Variants in CAMTA1 observed in about 807,000 individuals in gnomAD.
CAMTA1 encodes the protein calmodulin-binding transcription activator 1.
A neutral mutation model predicts 170.9 loss-of-function variants in CAMTA1; 27 were observed. The observed-to-expected ratio is 0.16, with a 90% CI of 0.12 to 0.22. CAMTA1 has a LOEUF of 0.22. Ranked by LOEUF, CAMTA1 falls within the 10% of genes least tolerant of loss-of-function variation. CAMTA1 has a pLI of 1.00. For synonymous variants in CAMTA1, 833 were observed against 891.5 expected (o/e 0.93, Z 1.17); for missense variants, 1,619 against 2,217.2 (o/e 0.73, Z 5.42).
In CAMTA1 at chr1:7,248,227, C is replaced by T. The variant is rs1396250357; in HGVS notation, c.303-1264C>T. Among the ~76,000 whole-genome samples the T allele has an allele frequency of 6.6e-6, 1 of 152,124 alleles. No homozygotes were observed. Among genetic ancestry groups the T allele is most frequent in the Non-Finnish European group, 1.5e-5 (1 of 68,032 alleles). On this transcript the variant is annotated intron_variant, in intron 4 of 22. Transcript: ENST00000303635. This position sits in a 1 kb window ranked among gnomAD's most constrained non-coding sequence, Gnocchi z 4.0. ...GCTGCTTGTGAAATGGCCCATTGTT[C>T]GTAGCAAGAAGAAAAGAAAGGCGCT...
In CAMTA1 at chr1:7,133,730, G is replaced by A. The variant is rs971004452; in HGVS notation, c.302+42359G>A. Among the ~76,000 whole-genome samples the A allele has an allele frequency of 2.0e-5, 3 of 152,312 alleles. No individual in the cohort carries two copies. The East Asian group carries it at 5.8e-4, about 29-fold the overall frequency. On this transcript the variant is annotated intron_variant, in intron 4 of 22. Transcript: ENST00000303635. ...GGAGTTCTGTGGTGAGAGAGTGGGA[G>A]AACTCTGTTAGCTCTAGCTGAACTG...
chr1:7,217,780 C>T (rs921233502), intron 4 of CAMTA1, among the ~76,000 whole-genome samples: 1 of 152,148 alleles, frequency 6.6e-6, no homozygotes, highest in Non-Finnish European at 1.5e-5. Context: ...ATACAAGCAT[C>T]ACTGAGCTTA....
At chr1:7,165,253 A>G (rs1648133997) in intron 4 of CAMTA1, among the ~76,000 whole-genome samples, 1 of 152,226 alleles carries the variant, frequency 6.6e-6, no homozygotes, top group Non-Finnish European at 1.5e-5. Flanking sequence ...AGACAAGCAT[A>G]GAGAATAATG....
At chr1:6,870,349 TA>T (rs566408465) in intron 3 of CAMTA1, among the ~76,000 whole-genome samples, 51 of 149,166 alleles carry the variant, frequency 3.4e-4, no homozygotes, top group South Asian at 2.8e-3. Context: ...CTATGCAACT[TA>T]AAAAAAAAAC....
intron 5 of CAMTA1, among the ~76,000 whole-genome samples, chr1:7,270,287 A>ATTTTT (rs1249476043): frequency 9.0e-5 from 10 of 111,550 alleles, no homozygotes; most frequent in African/African-American, 3.6e-4. Context: ...ATATATATAT[A>ATTTTT]TATATTTTTT....
intron 6 of CAMTA1, among the ~76,000 whole-genome samples, chr1:7,493,333 A>G (rs1454663565): frequency 6.6e-6 from 1 of 151,136 alleles, no homozygotes; most frequent in East Asian, 2.0e-4. Flanking sequence ...CTACGTACAC[A>G]CACATGCACA....
rs547135046 is a variant in CAMTA1 at position 7,204,822 on chromosome 1, CTTTTTTTCTTTTTTT to C, written c.303-44661_303-44647del. On this transcript the variant is annotated intron_variant, in intron 4 of 22. Coordinates refer to ENST00000303635, the MANE Select transcript of CAMTA1 (RefSeq NM_015215.4). ...GGGTCAGAGTTTCTTTTTTTTTTTT[CTTTTTTTCTTTTTTT>C]TTTTTTTTTTGAGGCAGAGTCTTGC... Among the ~76,000 whole-genome samples the C allele has an allele frequency of 7.1e-3, 789 of 111,552 alleles. 7 individuals are homozygous for C. The highest frequency in any genetic ancestry group is 0.015 in the Middle Eastern group (3 of 204). 73.2% of individuals were successfully genotyped at this position (111,552 alleles called of 152,430 possible).
chr1:7,451,486 G>T (rs1237269610), intron 5 of CAMTA1, among the ~76,000 whole-genome samples: 1 of 152,142 alleles, frequency 6.6e-6, no homozygotes, highest in Non-Finnish European at 1.5e-5. Context: ...GCTCTCCGAA[G>T]CCCCAGGTCC....
intron 5 of CAMTA1, among the ~76,000 whole-genome samples, chr1:7,259,338 G>A (rs1046246445): frequency 3.9e-5 from 6 of 152,142 alleles, no homozygotes; most frequent in African/African-American, 1.4e-4. Flanking sequence ...TGAGACCGGC[G>A]CAAATACTGA....
chr1:7,253,671 G>A (rs1419499204), intron 5 of CAMTA1, among the ~76,000 whole-genome samples: 3 of 152,228 alleles, frequency 2.0e-5, no homozygotes, highest in African/African-American at 7.2e-5. Context: ...GAACCTCAGA[G>A]AGGGTGTCTC....
intron 4 of CAMTA1, among the ~76,000 whole-genome samples, chr1:7,138,884 A>G (rs947485647): frequency 6.6e-6 from 1 of 151,476 alleles, no homozygotes; most frequent in African/African-American, 2.4e-5. Flanking sequence ...AATCCCAGCT[A>G]CTCAGTAGGC....
At position 7,562,643 on chromosome 1, in the gene CAMTA1, G is replaced by C. The variant is rs528468965; in HGVS notation, c.511-77757G>C. On this transcript the variant is annotated intron_variant, in intron 6 of 22. Coordinates refer to ENST00000303635, the MANE Select transcript of CAMTA1 (RefSeq NM_015215.4). This position sits in a 1 kb window ranked among gnomAD's most constrained non-coding sequence, Gnocchi z 4.8. ...GAGATGTCACCCACAACCGTCCGAA[G>C]AGATACCCAAATTGTACGCCACTGC... 8.5e-4 allele frequency among the ~76,000 whole-genome samples: 129 copies of C among 152,322 alleles called. No homozygotes were observed. The highest frequency in any genetic ancestry group is 3.0e-3 in the African/African-American group (126 of 41,566).
At chr1:7,579,484 C>T (rs979946706) in intron 6 of CAMTA1, among the ~76,000 whole-genome samples, 4 of 151,798 alleles carry the variant, frequency 2.6e-5, no homozygotes, top group African/African-American at 9.7e-5. Flanking sequence ...GGTCTCGGCA[C>T]CTGGAGGTGG....
At chr1:6,810,679 C>T (rs1645058467) in intron 1 of CAMTA1, among the ~76,000 whole-genome samples, 1 of 152,136 alleles carries the variant, frequency 6.6e-6, no homozygotes, top group South Asian at 2.1e-4. Flanking sequence ...GTGGCGGACA[C>T]CTGCAGTCCC....
intron 3 of CAMTA1, among the ~76,000 whole-genome samples, chr1:6,905,958 G>A (rs1051166651): frequency 2.6e-5 from 4 of 152,138 alleles, no homozygotes; most frequent in African/African-American, 4.8e-5. Flanking sequence ...TCCCACACAC[G>A]CCTCTGCTCC....
rs1679203404 is a variant in CAMTA1 at position 7,325,963 on chromosome 1, AT to A, written c.438+76339del. ...AACCGCTGCCTCCCAGGTTCAAGTG[AT>A]TCTCATGCCTCAGCCTCCCAAGTAG... is the stretch of plus-strand genomic sequence containing the variant. On this transcript the variant is annotated intron_variant, in intron 5 of 22. Coordinates refer to ENST00000303635, the MANE Select transcript of CAMTA1 (RefSeq NM_015215.4). The surrounding 1 kb of genome is among the most constrained non-coding windows in gnomAD (Gnocchi z 5.0). 6.6e-6 allele frequency among the ~76,000 whole-genome samples: 1 copy of A among 152,128 alleles called. No homozygotes were observed. Among genetic ancestry groups the A allele is most frequent in the Non-Finnish European group, 1.5e-5 (1 of 68,042 alleles).
At chr1:7,531,692 C>G (rs1336716190) in intron 6 of CAMTA1, among the ~76,000 whole-genome samples, 1 of 152,264 alleles carries the variant, frequency 6.6e-6, no homozygotes, top group African/African-American at 2.4e-5. Context: ...CCCTCTACCT[C>G]TTTGTTCCTT....
intron 2 of CAMTA1, among the ~76,000 whole-genome samples, chr1:6,822,138 A>G (rs1461619758): frequency 1.3e-5 from 2 of 152,184 alleles, no homozygotes; most frequent in East Asian, 1.9e-4. Context: ...AACTATTTGT[A>G]TTGAATACTG....
intron 6 of CAMTA1, among the ~76,000 whole-genome samples, chr1:7,509,148 A>G (rs897163513): frequency 2.0e-5 from 3 of 152,206 alleles, no homozygotes; most frequent in South Asian, 2.1e-4. Context: ...TGGGAACCTC[A>G]TGTCCCTAAA....
Sources: allele counts gnomAD v4.1 joint callset (sites outside exome capture counted in the v4.1 genomes callset), GRCh38; gene constraint gnomAD v4.1.1; non-coding constraint Gnocchi (gnomAD v3.1); transcripts MANE v1.5; gene names NCBI Gene and HGNC (gene_info 2026-07-23, HGNC 2026-07-21).